PALD1: variants seen among roughly 807,000 people sequenced by gnomAD.
PALD1 encodes phosphatase domain containing paladin 1.
In PALD1, 57 loss-of-function variants were observed where a neutral mutation model predicts 96.0. The observed-to-expected ratio is 0.59, with a 90% CI of 0.48 to 0.74. The LOEUF is 0.74. Ranked by LOEUF, PALD1 falls within the 30% of genes least tolerant of loss-of-function variation. The pLI is 0.00. For missense variants in PALD1, 1,063 were observed against 1,143.7 expected (o/e 0.93, Z 1.02); for synonymous variants, 464 against 473.6 (o/e 0.98, Z 0.26).
intron 1 of PALD1, among the ~76,000 whole-genome samples, chr10:70,503,143 G>T (rs993790952): frequency 6.6e-6 from 1 of 152,038 alleles, no homozygotes; most frequent in Non-Finnish European, 1.5e-5. Context: ...GCCTCCCAAA[G>T]TGCTGGGATT....
intron 10 of PALD1, among the ~76,000 whole-genome samples, chr10:70,537,430 C>T (rs1284823679): frequency 6.6e-6 from 1 of 152,228 alleles, no homozygotes; most frequent in Non-Finnish European, 1.5e-5. Flanking sequence ...GGGAGGGCCT[C>T]TGGCTCGGGG....
the PALD1 span, among the ~76,000 whole-genome samples, chr10:70,472,463 G>A: frequency 2.0e-5 from 3 of 152,044 alleles, no homozygotes; most frequent in Non-Finnish European, 2.9e-5. Context: ...GTTTCACCAC[G>A]TTGGCCGGGT....
chr10:70,547,346 G>A lies in PALD1; in HGVS notation c.2162G>A (p.Arg721His), dbSNP rs781013796. The change falls in exon 18 of 20, where the codon CGT becomes CAT. Residue 721 changes from arginine to histidine, a missense_variant. Transcript: ENST00000263563. Reference sequence around the variant, plus strand: ...GTGCAGCTGCTACCCGATGGGCACCGTGTGAAGAAGGAGGTGGACGCAGCG... The same window carrying A: ...GTGCAGCTGCTACCCGATGGGCACCATGTGAAGAAGGAGGTGGACGCAGCG... ...KVVQLLPDGH[R>H]VKKEVDAALD... The A allele has an allele frequency of 1.8e-5, 29 of 1,612,776 alleles. No individual in the cohort carries two copies. The highest frequency in any genetic ancestry group is 6.6e-5 in the South Asian group (6 of 91,054).
At chr10:70,482,406 C>T (rs1377941569) in intron 1 of PALD1, among the ~76,000 whole-genome samples, 1 of 152,188 alleles carries the variant, frequency 6.6e-6, no homozygotes, top group Non-Finnish European at 1.5e-5. Flanking sequence ...TGTCTTGGGC[C>T]AAGGCACTTG....
At chr10:70,522,594 G>C (rs902338747) in intron 1 of PALD1, among the ~76,000 whole-genome samples, 1 of 152,220 alleles carries the variant, frequency 6.6e-6, no homozygotes, top group African/African-American at 2.4e-5. Context: ...CACTGCAGGA[G>C]CAGCCCTCAC....
chr10:70,464,075 G>C, the PALD1 span, among the ~76,000 whole-genome samples: 237 of 152,182 alleles, frequency 1.6e-3, 1 homozygote, highest in African/African-American at 5.4e-3. Context: ...AAGTTCCCTC[G>C]GGCCGCTCCC....
At chr10:70,477,472 T>G (rs1331188481), upstream of PALD1, among the ~76,000 whole-genome samples, 2 of 152,242 alleles carry the variant, frequency 1.3e-5, no homozygotes, top group East Asian at 3.8e-4. Flanking sequence ...GGATTTTCTC[T>G]GCTGCTGTCC....
rs765395228 is a variant in PALD1 at position 70,532,667 on chromosome 10, A to G, written c.680A>G (p.His227Arg). The change falls in exon 6 of 20, where the codon CAT becomes CGT. Residue 227 changes from histidine (H) to arginine (R), a missense_variant. Coordinates refer to ENST00000263563, the MANE Select transcript of PALD1 (RefSeq NM_014431.3). Reference sequence around the variant, plus strand: ...AGCGAGAACACATACCATGTGTACCATAACACCGAGGACCTGTGGGGGGAG... The same window carrying G: ...AGCGAGAACACATACCATGTGTACCGTAACACCGAGGACCTGTGGGGGGAG... ...QLSENTYHVY[H>R]NTEDLWGEPH... is the part of the protein sequence containing the mutation. 18 of 1,614,042 alleles carry G rather than the reference A, an allele frequency of 1.1e-5. No individual in the cohort carries two copies. In the Admixed American group the frequency reaches 1.3e-4, roughly 12 times the overall value.
chr10:70,488,513 C>G (rs761910876), intron 1 of PALD1, among the ~76,000 whole-genome samples: 1 of 152,200 alleles, frequency 6.6e-6, no homozygotes, highest in East Asian at 1.9e-4. Flanking sequence ...CTCTGGTCCC[C>G]GTAGGTAACA....
chr10:70,488,683 T>G (rs1846050131), intron 1 of PALD1, among the ~76,000 whole-genome samples: 1 of 152,162 alleles, frequency 6.6e-6, no homozygotes, highest in Non-Finnish European at 1.5e-5. Context: ...ACCCCACCAC[T>G]GCCATGGGAG....
chr10:70,465,692 A>G, the PALD1 span, among the ~76,000 whole-genome samples: 1 of 152,268 alleles, frequency 6.6e-6, no homozygotes, highest in South Asian at 2.1e-4. Flanking sequence ...GCTGCCACTC[A>G]GGGAGGGGTG....
chr10:70,513,164 A>G (rs990240732), intron 1 of PALD1, among the ~76,000 whole-genome samples: 4 of 152,050 alleles, frequency 2.6e-5, no homozygotes, highest in African/African-American at 9.7e-5. Flanking sequence ...TTTAACCCCC[A>G]TTTTTTTATT....
chr10:70,537,096 T>C (rs938020093), intron 10 of PALD1, among the ~76,000 whole-genome samples: 4 of 151,874 alleles, frequency 2.6e-5, no homozygotes, highest in South Asian at 2.1e-4. Context: ...TATTTTCTTG[T>C]GGAGAGGCTC....
intron 18 of PALD1, among the ~76,000 whole-genome samples, chr10:70,559,862 CAG>C (rs1393154196): frequency 1.3e-5 from 2 of 152,160 alleles, no homozygotes; most frequent in Non-Finnish European, 2.9e-5. Context: ...CTGCAATCCT[CAG>C]AGTCTGTCTA....
chr10:70,480,849 A>T (rs1845918374), intron 1 of PALD1, among the ~76,000 whole-genome samples: 4 of 152,176 alleles, frequency 2.6e-5, no homozygotes, highest in Non-Finnish European at 4.4e-5. Context: ...GTGTGTGCTC[A>T]GGTTTACATC....
At chr10:70,507,110 A>AT (rs1846405808) in intron 1 of PALD1, among the ~76,000 whole-genome samples, 1 of 152,066 alleles carries the variant, frequency 6.6e-6, no homozygotes, top group Non-Finnish European at 1.5e-5. Context: ...TATTAAAAAA[A>AT]ATTTTTTTAG....
upstream of PALD1, among the ~76,000 whole-genome samples, chr10:70,476,777 A>C (rs1564677942): frequency 6.6e-6 from 1 of 152,140 alleles, no homozygotes; most frequent in Non-Finnish European, 1.5e-5. Context: ...GTGGGCCAAA[A>C]GACAGGTCAG....
chr10:70,538,991 G>A lies in PALD1; in HGVS notation c.1552G>A (p.Ala518Thr). 1 of 1,613,766 alleles carries A rather than the reference G, an allele frequency of 6.2e-7. No homozygotes were observed. Among genetic ancestry groups the A allele is most frequent in the South Asian group, 1.1e-5 (1 of 91,080 alleles). The stretch of plus-strand genomic sequence containing the variant: ...GCCCCGCATGCCCATCTACGGCACG[G>A]CCCAGCCCAGCGCCAAGGTGACCGG... The part of the protein sequence containing the change: ...RVPRMPIYGT[A>T]QPSAKALGSI... Residue 518 changes from alanine to threonine, a missense_variant, in exon 13 of 20, where the codon GCC becomes ACC. Coordinates refer to ENST00000263563, the MANE Select transcript of PALD1 (RefSeq NM_014431.3).
intron 1 of PALD1, among the ~76,000 whole-genome samples, chr10:70,513,145 T>C (rs1846547726): frequency 6.6e-6 from 1 of 152,232 alleles, no homozygotes; most frequent in South Asian, 2.1e-4. Context: ...AGTTTTACTT[T>C]TGAAATTTTT....
Sources: allele counts gnomAD v4.1 joint callset (sites outside exome capture counted in the v4.1 genomes callset), GRCh38; gene constraint gnomAD v4.1.1; transcripts MANE v1.5; gene names NCBI Gene and HGNC (gene_info 2026-07-23, HGNC 2026-07-21).